Variants in NDP observed in about 807,000 individuals in gnomAD.
NDP encodes norrin cystine knot growth factor NDP, also known as norrin.
A neutral mutation model predicts 8.4 loss-of-function variants in NDP; 2 were observed. The observed-to-expected ratio is 0.24, with a 90% CI of 0.10 to 0.75. NDP has a LOEUF of 0.75. Ranked by LOEUF, NDP falls within the 30% of genes least tolerant of loss-of-function variation. The pLI, the probability that NDP is intolerant of heterozygous loss-of-function variation, is 0.73. For missense variants in NDP, 81 were observed against 110.1 expected, an observed-to-expected ratio of 0.74 and a Z score of 1.18; for synonymous variants, 55 against 45.6, an observed-to-expected ratio of 1.21 and a Z score of -0.83.
chrX:43,952,887 A>G (rs879078307), intron 2 of NDP, among the ~76,000 whole-genome samples: 5 of 111,269 alleles, frequency 4.5e-5, no homozygotes, highest in Admixed American at 2.9e-4. Context: ...ACTTACAACT[A>G]TTCTCATCAC....
intron 2 of NDP, 45 bp from the exon 3 acceptor site, chrX:43,950,071 C>A: frequency 1.8e-6 from 2 of 1,092,267 alleles, no homozygotes; most frequent in Non-Finnish European, 2.5e-6. Context: ...CATGCCACAA[C>A]CTTAGCCAGG....
intron 2 of NDP, among the ~76,000 whole-genome samples, chrX:43,955,075 CCT>C (rs1370158044): frequency 9.0e-6 from 1 of 111,696 alleles, no homozygotes; most frequent in Non-Finnish European, 1.9e-5. Context: ...TTTTATCCTC[CCT>C]GTTAGCACCC....
intron 1 of NDP, 51 bp from the exon 2 acceptor site, chrX:43,958,903 C>G (rs1305441726): frequency 1.9e-5 from 7 of 370,462 alleles, no homozygotes; most frequent in African/African-American, 1.8e-4. Context: ...CCCAGAACCA[C>G]TAATGGAACC....
chrX:43,963,099 G>T (rs192991163), intron 1 of NDP, among the ~76,000 whole-genome samples: 3 of 112,032 alleles, frequency 2.7e-5, no homozygotes, highest in Non-Finnish European at 5.6e-5. Flanking sequence ...GGCACAGGAG[G>T]GTGGTGCTTC....
chrX:43,965,115 T>C (rs993484046), intron 1 of NDP, among the ~76,000 whole-genome samples: 2 of 112,111 alleles, frequency 1.8e-5, no homozygotes, highest in African/African-American at 6.5e-5. Flanking sequence ...AATAATATCC[T>C]GTTAATCATA....
At chrX:43,956,524 A>T (rs1308525703) in intron 2 of NDP, among the ~76,000 whole-genome samples, 1 of 111,962 alleles carries the variant, frequency 8.9e-6, no homozygotes, top group African/African-American at 3.2e-5. Context: ...TCAGCCCGAG[A>T]ATGTAAGAGT....
intron 1 of NDP, among the ~76,000 whole-genome samples, chrX:43,965,612 A>T (rs5906307): frequency 9.1e-6 from 1 of 109,809 alleles, no homozygotes; most frequent in Non-Finnish European, 1.9e-5. Context: ...GACTTCTTGC[A>T]TTTGATAATG....
rs776071295 is a variant in NDP, at chrX:43,964,880, C to T, written c.-207-6028G>A. Among the ~76,000 whole-genome samples, 207 of 111,977 alleles carry T rather than the reference C, an allele frequency of 1.8e-3. 1 individual carries two copies. Among genetic ancestry groups the T allele is most frequent in the African/African-American group, 6.2e-3 (191 of 30,790 alleles). ...CAAGCTTCTCAGAGTACAGCCCCTG[C>T]CTTGGGGCTACATATTCCCCAAAGC... On this transcript the variant is annotated intron_variant, in intron 1 of 2. Transcript: ENST00000642620.
chrX:43,967,156 A>G (rs1203409130), intron 1 of NDP, among the ~76,000 whole-genome samples: 1 of 110,998 alleles, frequency 9.0e-6, no homozygotes, highest in Admixed American at 9.6e-5. Flanking sequence ...TGCTGCAGCT[A>G]TGTCTATGTC....
In NDP at chrX:43,948,815, C is replaced by T. The variant is rs1161345984; in HGVS notation, c.*984G>A. On this transcript the variant is annotated 3_prime_UTR_variant, in exon 3 of 3. Transcript: ENST00000642620. ...TTTTTATTTCAAAACGTGGGAATAA[C>T]TCAAAATTTGAGCCTCCAGGACCAA... 8.9e-6 allele frequency: 1 copy of T among 111,825 alleles called. No individual in the cohort carries two copies. Among genetic ancestry groups the T allele is most frequent in the Non-Finnish European group, 1.9e-5 (1 of 53,199 alleles). 9.2% of individuals were successfully genotyped at this position (111,825 alleles called of 1,213,427 possible). A position where few individuals can be genotyped will look rare whatever the true frequency, so the allele number is the denominator to read the frequency against.
At chrX:43,968,069 A>C (rs182862281) in intron 1 of NDP, among the ~76,000 whole-genome samples, 1 of 112,201 alleles carries the variant, frequency 8.9e-6, no homozygotes, top group African/African-American at 3.2e-5. Flanking sequence ...CAACTGGATG[A>C]ATTCCTGATT....
intron 1 of NDP, among the ~76,000 whole-genome samples, chrX:43,968,723 G>T (rs1012415003): frequency 8.9e-6 from 1 of 112,244 alleles, no homozygotes; most frequent in African/African-American, 3.2e-5. Context: ...GCTGCCAGGC[G>T]TCTTTAAATA....
intron 2 of NDP, 148 bp from the exon 3 acceptor site, chrX:43,950,174 C>A: frequency 2.0e-6 from 1 of 511,146 alleles, no homozygotes; most frequent in Non-Finnish European, 3.4e-6. Context: ...TTTTTTAAGT[C>A]AACACCCAGG....
chrX:43,966,216 G>A (rs940530286), intron 1 of NDP, among the ~76,000 whole-genome samples: 7 of 111,774 alleles, frequency 6.3e-5, no homozygotes, highest in Non-Finnish European at 1.3e-4. Flanking sequence ...GTCAGAAAAT[G>A]CTTAGGGGTG....
At chrX:43,971,459 G>T (rs1288741536) in intron 1 of NDP, among the ~76,000 whole-genome samples, 1 of 111,224 alleles carries the variant, frequency 9.0e-6, no homozygotes, top group Non-Finnish European at 1.9e-5. Context: ...ATTGGAACTC[G>T]AATTAAGATT....
chrX:43,954,037 C>G lies in NDP; in HGVS notation c.175-4011G>C, dbSNP rs760222635. On this transcript the variant is annotated intron_variant, in intron 2 of 2. Coordinates refer to ENST00000642620, the MANE Select transcript of NDP (RefSeq NM_000266.4). ...GCATCAGAATAAAGACCCACCTGTC[C>G]CACCCTAGAAGAGCATTTTTGCGAT... is the stretch of plus-strand genomic sequence containing the variant. Among the ~76,000 whole-genome samples the G allele has an allele frequency of 8.9e-5, 10 of 112,449 alleles. No homozygotes were observed. In the East Asian group the frequency reaches 2.5e-3, roughly 28 times the overall value.
chrX:43,962,788 C>T (rs766760583), intron 1 of NDP, among the ~76,000 whole-genome samples: 9 of 111,820 alleles, frequency 8.0e-5, no homozygotes, highest in African/African-American at 9.8e-5. Context: ...GAGCCTCTGC[C>T]GGCAGGAGAG....
At chrX:43,964,021 T>C (rs1056201762) in intron 1 of NDP, among the ~76,000 whole-genome samples, 1 of 111,962 alleles carries the variant, frequency 8.9e-6, no homozygotes, top group Non-Finnish European at 1.9e-5. Context: ...AAGCAGTTCT[T>C]GCTCCTTTCA....
chrX:43,962,104 A>T (rs1292522049), intron 1 of NDP, among the ~76,000 whole-genome samples: 1 of 111,769 alleles, frequency 8.9e-6, no homozygotes, highest in Admixed American at 9.5e-5. Flanking sequence ...AATTCTAAGA[A>T]ACAGATTTTT....
Sources: gnomAD v4.1 joint callset for allele counts (sites outside exome capture counted in the v4.1 genomes callset) on GRCh38, gnomAD v4.1.1 for gene constraint, MANE v1.5 for transcripts, NCBI Gene and HGNC (gene_info 2026-07-23, HGNC 2026-07-21) for gene names.